ABAT: variants seen among roughly 807,000 people sequenced by gnomAD.
The protein encoded by ABAT is 4-aminobutyrate aminotransferase.
Under a neutral mutation model 64.6 loss-of-function variants are expected in ABAT, and 45 were observed. The observed-to-expected ratio is 0.70, with a 90% confidence interval of 0.55 to 0.89. ABAT has a LOEUF of 0.89. ABAT is among the 40% of genes least tolerant of loss of function. The pLI is 0.00. For synonymous variants in ABAT, 297 were observed against 250.5 expected, an observed-to-expected ratio of 1.19 and a Z score of -1.75; for missense variants, 633 against 658.4, an observed-to-expected ratio of 0.96 and a Z score of 0.42.
At chr16:8,675,933 G>A (rs1388302779) in intron 1 of ABAT, among the ~76,000 whole-genome samples, 1 of 152,128 alleles carries the variant, frequency 6.6e-6, no homozygotes, top group Non-Finnish European at 1.5e-5. Context: ...TGGGCACTCA[G>A]CCAAGAGAAA....
At chr16:8,735,232 GTTGGTTTTTTTTGTTTTGTTTTGGT>G (rs1454123888) in intron 1 of ABAT, among the ~76,000 whole-genome samples, 4 of 151,304 alleles carry the variant, frequency 2.6e-5, no homozygotes, top group East Asian at 1.9e-4. Context: ...ATAGTTTTGG[GTTGGTTTTTTTTGTTTTGTTTTGGT>G]TTGGTTTTTT....
At chr16:8,722,847 G>T in intron 1 of ABAT, 1 of 1,289,146 alleles carries the variant, frequency 7.8e-7, no homozygotes, top group Non-Finnish European at 1.0e-6. Flanking sequence ...TTCGAGGTAG[G>T]AGCAAGGCTT....
intron 4 of ABAT, among the ~76,000 whole-genome samples, chr16:8,749,309 C>G (rs1158120921): frequency 2.7e-5 from 4 of 148,328 alleles, no homozygotes; most frequent in Non-Finnish European, 5.9e-5. Context: ...AGGCTGGTCT[C>G]GAACTGCTGA....
intron 1 of ABAT, among the ~76,000 whole-genome samples, chr16:8,723,772 G>A (rs1193290894): frequency 1.5e-5 from 2 of 137,858 alleles, no homozygotes; most frequent in African/African-American, 5.5e-5. Context: ...TGTTGTACAA[G>A]TACCTAAGAT....
chr16:8,741,810 G>C (rs1448795369), intron 2 of ABAT, among the ~76,000 whole-genome samples: 5 of 152,156 alleles, frequency 3.3e-5, no homozygotes, highest in Admixed American at 2.0e-4. Context: ...TTCCAATGCT[G>C]ACTCTTCAAC....
At position 8,740,600 on chromosome 16, in the gene ABAT, A is replaced by T. The variant is rs553438830; in HGVS notation, c.70+4791A>T. On this transcript the variant is annotated intron_variant, in intron 2 of 15. Coordinates refer to ENST00000268251, the MANE Select transcript of ABAT (RefSeq NM_020686.6). Reference sequence around the variant, plus strand: ...CTCAGCCTGCAGCCATACCCACAGCATTTTCCTGCTTCTCCATGGTGTCTC... The same window carrying T: ...CTCAGCCTGCAGCCATACCCACAGCTTTTTCCTGCTTCTCCATGGTGTCTC... 1.3e-4 allele frequency among the ~76,000 whole-genome samples: 20 copies of T among 152,232 alleles called. No homozygotes were observed. The East Asian group carries it at 3.9e-3, about 29-fold the overall frequency.
rs200598762 is a variant in ABAT, at chr16:8,764,162, G to A, written c.447+13G>A. 7.5e-6 allele frequency: 12 copies of A among 1,610,310 alleles called. No homozygotes were observed. The highest frequency in any genetic ancestry group is 1.3e-5 in the African/African-American group (1 of 74,854). On this transcript the variant is annotated intron_variant, in intron 7 of 15. Coordinates refer to ENST00000268251, the MANE Select transcript of ABAT (RefSeq NM_020686.6). This position sits in a 1 kb window ranked among gnomAD's most constrained non-coding sequence, Gnocchi z 4.2. Reference sequence around the variant, plus strand: ...GTCCTTGCTCTCGGTGAGTTCTGGAGAAGCAATCCCATTGTCTTCAGACGT... The same window carrying A: ...GTCCTTGCTCTCGGTGAGTTCTGGAAAAGCAATCCCATTGTCTTCAGACGT...
chr16:8,720,326 C>T (rs2058331663), intron 1 of ABAT, among the ~76,000 whole-genome samples: 1 of 152,250 alleles, frequency 6.6e-6, no homozygotes, highest in African/African-American at 2.4e-5. Flanking sequence ...GGCCCAGCCA[C>T]ACTTTAGACC....
At chr16:8,694,911 C>G (rs1482088857) in intron 1 of ABAT, among the ~76,000 whole-genome samples, 1 of 152,200 alleles carries the variant, frequency 6.6e-6, no homozygotes. Context: ...CGGTTTGGGA[C>G]ACACAGAGAA....
In ABAT at chr16:8,748,130, T is replaced by C. The variant is rs755698820; in HGVS notation, c.191T>C (p.Ile64Thr). ...CAGGAGTTAATGAAACAGCTGAATA[T>C]AATTCAGGTAAGTGAGGAGGAGGTA... is the stretch of plus-strand genomic sequence containing the variant. ...RSQELMKQLN[I>T]IQNAEAVHFF... The change falls in exon 4 of 16, where the codon ATA becomes ACA. Residue 64 changes from isoleucine to threonine, a missense_variant. Physicochemically the swap from Ile to Thr is moderately conservative, Grantham distance 89 (BLOSUM62 -1). Coordinates refer to ENST00000268251, the MANE Select transcript of ABAT (RefSeq NM_020686.6). 1.2e-6 allele frequency: 2 copies of C among 1,613,610 alleles called. No homozygotes were observed. Among genetic ancestry groups the C allele is most frequent in the East Asian group, 4.5e-5 (2 of 44,812 alleles).
chr16:8,677,126 G>A (rs1481240238), intron 1 of ABAT, among the ~76,000 whole-genome samples: 3 of 152,216 alleles, frequency 2.0e-5, no homozygotes, highest in Non-Finnish European at 2.9e-5. Flanking sequence ...GCCACTTAGT[G>A]TCTGATCTTA....
chr16:8,717,477 G>C (rs1394457267), intron 1 of ABAT, among the ~76,000 whole-genome samples: 1 of 152,150 alleles, frequency 6.6e-6, no homozygotes, highest in Non-Finnish European at 1.5e-5. Context: ...CTTTTGGGCA[G>C]TACTGTCTTA....
intron 1 of ABAT, among the ~76,000 whole-genome samples, chr16:8,704,565 C>T (rs932803967): frequency 3.3e-5 from 5 of 152,074 alleles, no homozygotes; most frequent in South Asian, 2.1e-4. Flanking sequence ...CAAAATGCAA[C>T]GGTGCTAAAC....
At chr16:8,778,326 G>T (rs1221443013) in intron 14 of ABAT, among the ~76,000 whole-genome samples, 1 of 152,176 alleles carries the variant, frequency 6.6e-6, no homozygotes, top group African/African-American at 2.4e-5. Context: ...GGCTCTGGGG[G>T]AGAATCTGTT....
Position 8,727,842 on chromosome 16 carries a change from T to C in ABAT, c.-41-7857T>C, listed in dbSNP as rs2058602435. 2.6e-5 allele frequency among the ~76,000 whole-genome samples: 4 copies of C among 152,074 alleles called. No individual in the cohort carries two copies. The South Asian group carries it at 8.3e-4, about 31-fold the overall frequency. On this transcript the variant is annotated intron_variant, in intron 1 of 15. Coordinates refer to ENST00000268251, the MANE Select transcript of ABAT (RefSeq NM_020686.6). ...CCAACCGTTTGGGAGTCCAAGATGG[T>C]AGGATCACTTGAGCTCAAGAGTTTG...
chr16:8,773,154 A>AT (rs2060168772), intron 12 of ABAT, among the ~76,000 whole-genome samples: 2 of 140,666 alleles, frequency 1.4e-5, no homozygotes, highest in African/African-American at 6.2e-5. Flanking sequence ...ACACATATAT[A>AT]TATATTTTTT....
chr16:8,717,290 C>T (rs1023490643), intron 1 of ABAT, among the ~76,000 whole-genome samples: 6 of 151,970 alleles, frequency 3.9e-5, no homozygotes, highest in Admixed American at 3.9e-4. Context: ...AACTCCATCT[C>T]AAAAGTAATA....
chr16:8,781,891 C>T lies in ABAT; in HGVS notation c.*461C>T. The stretch of plus-strand genomic sequence containing the variant: ...CCCTATGCAAGCAAACACACTCTCA[C>T]CTCCTCTCCCAGCCTCCCGGAGCTC... On this transcript the variant is annotated 3_prime_UTR_variant, in exon 16 of 16. Transcript: ENST00000268251. The surrounding 1 kb of genome is among the most constrained non-coding windows in gnomAD (Gnocchi z 4.5). 1 of 317,764 alleles carries T rather than the reference C, an allele frequency of 3.1e-6. No individual in the cohort carries two copies. The highest frequency in any genetic ancestry group is 2.9e-5 in the South Asian group (1 of 34,612). 19.7% of individuals were successfully genotyped at this position (317,764 alleles called of 1,614,324 possible).
At chr16:8,769,176 A>G (rs779903134) in intron 11 of ABAT, among the ~76,000 whole-genome samples, 1 of 152,228 alleles carries the variant, frequency 6.6e-6, no homozygotes, top group African/African-American at 2.4e-5. Flanking sequence ...TTTCTGTCAC[A>G]GCATCCATCA....
Sources: gnomAD v4.1 joint callset for allele counts (sites outside exome capture counted in the v4.1 genomes callset) on GRCh38, gnomAD v4.1.1 for gene constraint, Gnocchi (gnomAD v3.1) non-coding constraint, MANE v1.5 for transcripts, NCBI Gene and HGNC (gene_info 2026-07-23, HGNC 2026-07-21) for gene names.